SYT14: variants seen among roughly 807,000 people sequenced by gnomAD.
SYT14 encodes the protein synaptotagmin-14.
Under a neutral mutation model 74.2 loss-of-function variants are expected in SYT14, and 32 were observed. The ratio of observed to expected loss-of-function variants is 0.43; its 90% CI spans 0.33 to 0.58. The LOEUF is 0.58. SYT14 is among the 20% of genes least tolerant of loss of function. SYT14 has a pLI of 0.05. For synonymous variants in SYT14, 298 were observed against 337.7 expected (o/e 0.88, Z 1.29); for missense variants, 791 against 981.8 (o/e 0.81, Z 2.60).
rs566496984 is a variant in SYT14 at position 210,158,158 on chromosome 1, A to G, written c.2225-1263A>G. ...ATTTCAGAAGGAGAAATTGAGTGGG[A>G]GAAAAGAAGCAATTTCTAGAATAAA... is the stretch of plus-strand genomic sequence containing the variant. On this transcript the variant is annotated intron_variant, in intron 8 of 9. Coordinates refer to ENST00000637265, the Ensembl canonical transcript of SYT14. Among the ~76,000 whole-genome samples the G allele has an allele frequency of 2.6e-5, 4 of 152,314 alleles. No homozygotes were observed. The South Asian group carries it at 8.3e-4, about 32-fold the overall frequency.
intron 5 of SYT14, among the ~76,000 whole-genome samples, chr1:210,091,687 C>G (rs147643942): frequency 4.5e-4 from 69 of 152,248 alleles, no homozygotes; most frequent in Non-Finnish European, 9.4e-4. Context: ...TACCAACATT[C>G]TTTCTCTTTC....
chr1:210,111,046 A>G (rs1382628472), intron 7 of SYT14, among the ~76,000 whole-genome samples: 2 of 152,126 alleles, frequency 1.3e-5, no homozygotes, highest in African/African-American at 4.8e-5. Context: ...ATTAACATAA[A>G]CCATTTAACT....
At chr1:210,066,960 G>T (rs1300577323) in intron 5 of SYT14, among the ~76,000 whole-genome samples, 1 of 151,858 alleles carries the variant, frequency 6.6e-6, no homozygotes, top group Non-Finnish European at 1.5e-5. Flanking sequence ...CTTATATTTA[G>T]GTATTTAATT....
At chr1:210,059,774 A>G (rs1007103030) in intron 5 of SYT14, among the ~76,000 whole-genome samples, 2 of 152,066 alleles carry the variant, frequency 1.3e-5, no homozygotes, top group African/African-American at 2.4e-5. Context: ...TAAGAGTCTC[A>G]TTGCACTTTT....
intron 5 of SYT14, among the ~76,000 whole-genome samples, chr1:210,039,795 G>A (rs1572198690): frequency 2.0e-5 from 3 of 152,246 alleles, no homozygotes; most frequent in East Asian, 3.9e-4. Context: ...ATCATCACTC[G>A]TTATTAGAGA....
chr1:210,014,095 T>C (rs1490035783), intron 3 of SYT14, among the ~76,000 whole-genome samples: 1 of 152,166 alleles, frequency 6.6e-6, no homozygotes, highest in African/African-American at 2.4e-5. Context: ...GAAGGAGGTA[T>C]CTTGTTACTT....
At chr1:209,996,555 T>G (rs2079801687) in intron 2 of SYT14, among the ~76,000 whole-genome samples, 1 of 152,064 alleles carries the variant, frequency 6.6e-6, no homozygotes, top group Non-Finnish European at 1.5e-5. Context: ...CCAATCCTAC[T>G]GAAACTATTC....
intron 7 of SYT14, among the ~76,000 whole-genome samples, chr1:210,137,209 A>T (rs565531526): frequency 6.6e-6 from 1 of 152,306 alleles, no homozygotes; most frequent in East Asian, 1.9e-4. Context: ...AAGAGGAGGC[A>T]GGTGTGGGCC....
At chr1:210,158,587 G>C (rs371734611) in intron 8 of SYT14, among the ~76,000 whole-genome samples, 2 of 152,284 alleles carry the variant, frequency 1.3e-5, no homozygotes, top group East Asian at 3.9e-4. Context: ...GGGAGGTCTG[G>C]CCAAGCGCAG....
chr1:209,990,400 C>T (rs1034911873), intron 2 of SYT14, among the ~76,000 whole-genome samples: 43 of 151,052 alleles, frequency 2.8e-4, no homozygotes, highest in Non-Finnish European at 5.5e-4. Flanking sequence ...TACGTTTCAT[C>T]ATGGAACGCC....
chr1:210,155,948 T>G (rs2083260343), intron 8 of SYT14, 38 bp downstream of exon 7: 1 of 1,597,378 alleles, frequency 6.3e-7, no homozygotes, highest in Admixed American at 1.7e-5. Flanking sequence ...TAATGTTTTC[T>G]GCACTTTTGG....
At chr1:210,130,791 A>G in intron 7 of SYT14, among the ~76,000 whole-genome samples, 1 of 149,582 alleles carries the variant, frequency 6.7e-6, no homozygotes, top group East Asian at 1.9e-4. Flanking sequence ...ATATACAGAA[A>G]CAACAGTAAT....
At chr1:210,170,374 T>G (rs1043906205) in exon 10 of SYT14, 1 of 152,156 alleles carries the variant, frequency 6.6e-6, no homozygotes, top group Non-Finnish European at 1.5e-5. Flanking sequence ...TGTTGCATTT[T>G]ATTCTCATGT....
chr1:209,964,197 A>G (rs2079119333), intron 2 of SYT14, among the ~76,000 whole-genome samples: 1 of 152,116 alleles, frequency 6.6e-6, no homozygotes, highest in Non-Finnish European at 1.5e-5. Context: ...ATGGTTTTAT[A>G]AGAGTTCGGC....
At chr1:210,134,423 T>TA (rs2082739474) in intron 7 of SYT14, among the ~76,000 whole-genome samples, 2 of 152,120 alleles carry the variant, frequency 1.3e-5, no homozygotes, top group South Asian at 2.1e-4. Flanking sequence ...ATCTTGCTCT[T>TA]AACTATGCAT....
chr1:210,140,524 G>C (rs2082892119), intron 7 of SYT14, among the ~76,000 whole-genome samples: 1 of 151,896 alleles, frequency 6.6e-6, no homozygotes, highest in Non-Finnish European at 1.5e-5. Context: ...TCAGTTTATT[G>C]ATTTTTTCCT....
chr1:210,075,999 A>C (rs2081494015), intron 5 of SYT14, among the ~76,000 whole-genome samples: 1 of 152,186 alleles, frequency 6.6e-6, no homozygotes, highest in African/African-American at 2.4e-5. Context: ...ACAACTTTAA[A>C]CTTTTTGATG....
chr1:209,953,101 A>G (rs746785786), intron 2 of SYT14: 3 of 1,310,410 alleles, frequency 2.3e-6, no homozygotes, highest in South Asian at 1.2e-5. Context: ...CTTCTGTTCT[A>G]TTACTGTACC....
At position 210,016,676 on chromosome 1, in the gene SYT14, G is replaced by T; in HGVS notation, c.673G>T (p.Glu225Ter). The T allele has an allele frequency of 1.6e-6, 2 of 1,231,790 alleles. No individual in the cohort carries two copies. Among genetic ancestry groups the T allele is most frequent in the Non-Finnish European group, 2.0e-6 (2 of 987,800 alleles). The allele number at this position is 1,231,790 out of a possible 1,614,324, so 76.3% of individuals were successfully genotyped here. ...TGTTGGTACAGATAATTGTAAAAAGGAGGAATATTCTAAATCTCGACATGT... is the reference window on the plus strand; with the variant it reads ...TGTTGGTACAGATAATTGTAAAAAGTAGGAATATTCTAAATCTCGACATGT... Residue 225 changes from glutamate to a stop codon, truncating the protein, a stop_gained, in exon 4 of 10, where the codon GAG becomes TAG. Coordinates refer to ENST00000637265, the Ensembl canonical transcript of SYT14. LOFTEE classifies it high-confidence loss of function.
Sources: allele counts gnomAD v4.1 joint callset (sites outside exome capture counted in the v4.1 genomes callset), GRCh38; gene constraint gnomAD v4.1.1; transcripts MANE v1.5; gene names NCBI Gene and HGNC (gene_info 2026-07-23, HGNC 2026-07-21).